Variants in ABTB2 observed in about 807,000 individuals in gnomAD.
The protein encoded by ABTB2 is ankyrin repeat and BTB/POZ domain-containing protein 2.
In ABTB2, 56 loss-of-function variants were observed where a neutral mutation model predicts 104.1. That is an observed-to-expected ratio of 0.54 (90% CI 0.43 to 0.67). The LOEUF (loss-of-function observed/expected upper bound fraction) is 0.67. ABTB2 is among the 30% of genes least tolerant of loss of function. The probability of loss-of-function intolerance (pLI) is 0.00; values close to 1 mark genes in which losing one functional copy is unlikely to be tolerated. For synonymous variants in ABTB2, 606 were observed against 608.2 expected, an observed-to-expected ratio of 1.00 and a Z score of 0.05; for missense variants, 1,279 against 1,407.7, an observed-to-expected ratio of 0.91 and a Z score of 1.46.
At chr11:34,300,941 G>A (rs1197301364) in intron 1 of ABTB2, among the ~76,000 whole-genome samples, 4 of 152,324 alleles carry the variant, frequency 2.6e-5, no homozygotes, top group Non-Finnish European at 2.9e-5. Flanking sequence ...TTACTGGGGG[G>A]CTGGTGTGGA....
At chr11:34,251,766 A>C (rs1182920252) in intron 1 of ABTB2, among the ~76,000 whole-genome samples, 1 of 152,214 alleles carries the variant, frequency 6.6e-6, no homozygotes, top group Non-Finnish European at 1.5e-5. Flanking sequence ...GGAGTGGAGG[A>C]CACAACTGTT....
intron 1 of ABTB2, among the ~76,000 whole-genome samples, 200 bp from the exon 2 acceptor site, chr11:34,204,890 C>G (rs1371653504): frequency 6.6e-6 from 1 of 152,180 alleles, no homozygotes; most frequent in East Asian, 1.9e-4. Flanking sequence ...AGAAGTAGCT[C>G]ACTCGTAGCT....
chr11:34,324,033 C>T (rs1855038606), intron 1 of ABTB2, among the ~76,000 whole-genome samples: 1 of 150,832 alleles, frequency 6.6e-6, no homozygotes, highest in Admixed American at 6.7e-5. Context: ...GCATCAGCCT[C>T]CTAAGTAGCT....
In ABTB2 at chr11:34,245,743, G is replaced by A. The variant is rs577040544; in HGVS notation, c.884-41053C>T. ...ACCCTGGGGTCCCTTCCAAAGCATG[G>A]TGTTTCACAATGAAGGGAAATGGAA... On this transcript the variant is annotated intron_variant, in intron 1 of 16. Coordinates refer to ENST00000435224, the MANE Select transcript of ABTB2 (RefSeq NM_145804.3). Among the ~76,000 whole-genome samples, 78 of 152,278 alleles carry A rather than the reference G, an allele frequency of 5.1e-4. 1 individual carries two copies. The highest frequency in any genetic ancestry group is 1.6e-3 in the Admixed American group (24 of 15,286).
At chr11:34,225,751 A>G (rs1015247057) in intron 1 of ABTB2, among the ~76,000 whole-genome samples, 1 of 152,050 alleles carries the variant, frequency 6.6e-6, no homozygotes, top group Non-Finnish European at 1.5e-5. Context: ...GTGAAACTCC[A>G]CCTCAAAAAT....
intron 3 of ABTB2, among the ~76,000 whole-genome samples, chr11:34,181,051 T>C (rs988484040): frequency 6.6e-5 from 10 of 152,128 alleles, no homozygotes; most frequent in Non-Finnish European, 1.0e-4. Flanking sequence ...ACTATAGGCA[T>C]GCACCACCAT....
chr11:34,317,034 G>C (rs972960870), intron 1 of ABTB2, among the ~76,000 whole-genome samples: 2 of 152,228 alleles, frequency 1.3e-5, no homozygotes, highest in African/African-American at 4.8e-5. Flanking sequence ...CACAAAGCCT[G>C]TTTGATTCTG....
At chr11:34,163,887 G>A (rs942443574) in intron 9 of ABTB2, among the ~76,000 whole-genome samples, 15 of 152,262 alleles carry the variant, frequency 9.9e-5, no homozygotes, top group Admixed American at 8.5e-4. Flanking sequence ...CCTCCATGGG[G>A]GATGCAGGCA....
intron 1 of ABTB2, among the ~76,000 whole-genome samples, chr11:34,236,758 G>C (rs1463496208): frequency 6.6e-6 from 1 of 152,180 alleles, no homozygotes; most frequent in Non-Finnish European, 1.5e-5. Flanking sequence ...GTAGATAAAC[G>C]AAATCGCATC....
intron 1 of ABTB2, among the ~76,000 whole-genome samples, chr11:34,212,434 G>C (rs938229373): frequency 6.6e-6 from 1 of 152,194 alleles, no homozygotes; most frequent in Non-Finnish European, 1.5e-5. Context: ...TTCTGCCAGG[G>C]ATTGGATGAA....
At chr11:34,325,345 CT>C (rs1236965072) in intron 1 of ABTB2, among the ~76,000 whole-genome samples, 1 of 152,182 alleles carries the variant, frequency 6.6e-6, no homozygotes, top group Non-Finnish European at 1.5e-5. Flanking sequence ...AGTATGTGTT[CT>C]TTCCCCATGG....
Position 34,181,661 on chromosome 11 carries a change from G to A in ABTB2, c.1245-8354C>T, listed in dbSNP as rs2467376. On this transcript the variant is annotated intron_variant, in intron 3 of 16. Coordinates refer to ENST00000435224, the MANE Select transcript of ABTB2 (RefSeq NM_145804.3). ...GCTTAGCTCTGGGAAGACAGGGTGG[G>A]TGTGAGCATACAACGTTCTGGGGTG... Among the ~76,000 whole-genome samples, 1,223 of 152,292 alleles carry A rather than the reference G, an allele frequency of 8.0e-3. 16 individuals are homozygous for A. Among genetic ancestry groups the A allele is most frequent in the African/African-American group, 0.028 (1,161 of 41,556 alleles).
intron 1 of ABTB2, among the ~76,000 whole-genome samples, chr11:34,207,949 TC>T: frequency 6.6e-6 from 1 of 152,312 alleles, no homozygotes; most frequent in East Asian, 1.9e-4. Context: ...TGCCAAGGGT[TC>T]CTGGAGGCCT....
intron 1 of ABTB2, among the ~76,000 whole-genome samples, chr11:34,268,491 C>T (rs917144199): frequency 1.1e-4 from 17 of 152,200 alleles, no homozygotes; most frequent in Admixed American, 5.9e-4. Context: ...TGCCACTAGC[C>T]AAAACCTCAG....
chr11:34,309,624 T>G (rs1289731565), intron 1 of ABTB2, among the ~76,000 whole-genome samples: 1 of 151,974 alleles, frequency 6.6e-6, no homozygotes, highest in African/African-American at 2.4e-5. Flanking sequence ...ACAACAATCC[T>G]AATACTTGAC....
chr11:34,230,384 C>T (rs1853753268), intron 1 of ABTB2, among the ~76,000 whole-genome samples: 1 of 152,172 alleles, frequency 6.6e-6, no homozygotes, highest in African/African-American at 2.4e-5. Context: ...GTCACTTACC[C>T]AGACAAGTCC....
At chr11:34,309,433 G>C (rs1388509708) in intron 1 of ABTB2, among the ~76,000 whole-genome samples, 1 of 152,202 alleles carries the variant, frequency 6.6e-6, no homozygotes, top group East Asian at 1.9e-4. Flanking sequence ...CAAGGGTGCA[G>C]GTCAGAGGTT....
intron 1 of ABTB2, among the ~76,000 whole-genome samples, chr11:34,318,096 A>C (rs1854961227): frequency 6.6e-6 from 1 of 152,086 alleles, no homozygotes; most frequent in African/African-American, 2.4e-5. Context: ...CCTCCCAAGT[A>C]GCTGGGACTA....
intron 1 of ABTB2, among the ~76,000 whole-genome samples, chr11:34,349,938 C>A (rs1383775892): frequency 1.3e-5 from 2 of 152,202 alleles, no homozygotes; most frequent in Non-Finnish European, 2.9e-5. Context: ...GCCAGGCAGC[C>A]CCACCCCGTG....
Sources: allele counts gnomAD v4.1 joint callset (sites outside exome capture counted in the v4.1 genomes callset), GRCh38; gene constraint gnomAD v4.1.1; transcripts MANE v1.5; gene names NCBI Gene and HGNC (gene_info 2026-07-23, HGNC 2026-07-21).